Variants in AHCTF1 observed in about 807,000 individuals in gnomAD.
AHCTF1 encodes the protein protein ELYS.
A neutral mutation model predicts 248.4 loss-of-function variants in AHCTF1; 24 were observed. That is an observed-to-expected ratio of 0.10 (90% CI 0.07 to 0.14). The LOEUF (loss-of-function observed/expected upper bound fraction) is 0.14. Ranked by LOEUF, AHCTF1 falls within the 10% of genes least tolerant of loss-of-function variation. AHCTF1 has a pLI of 1.00. For synonymous variants in AHCTF1, 786 were observed against 929.8 expected (o/e 0.85, Z 2.81); for missense variants, 2,206 against 2,636.2 (o/e 0.84, Z 3.57).
intron 29 of AHCTF1, among the ~76,000 whole-genome samples, chr1:246,860,144 C>G (rs1187310014): frequency 1.3e-5 from 2 of 150,010 alleles, no homozygotes; most frequent in East Asian, 2.0e-4. Context: ...ACTATAGTCC[C>G]AGCTACTCTG....
chr1:246,868,952 C>T (rs1287042466), intron 24 of AHCTF1, among the ~76,000 whole-genome samples: 2 of 150,332 alleles, frequency 1.3e-5, no homozygotes, highest in Non-Finnish European at 2.9e-5. Flanking sequence ...TCACGCCATT[C>T]TCCTGCCTCA....
At chr1:246,855,871 A>C (rs1572369516) in intron 30 of AHCTF1, 44 bp from the exon 31 acceptor site, 1 of 1,500,956 alleles carries the variant, frequency 6.7e-7, no homozygotes, top group Non-Finnish European at 9.2e-7. Context: ...AGAAGATCCC[A>C]TCTGCTTTAA....
At position 246,903,652 on chromosome 1, in the gene AHCTF1, A is replaced by ACC. The variant is rs1038477874; in HGVS notation, c.966+295_966+296dup. On this transcript the variant is annotated intron_variant, in intron 7 of 35. Coordinates refer to ENST00000648844, the MANE Select transcript of AHCTF1 (RefSeq NM_001323342.2). Reference sequence around the variant, plus strand: ...AGACCAGCCTGGCCAAGATGGTGAGACCCCCCCCCCTCCGTCTCTGCTAAA... The same window carrying ACC: ...AGACCAGCCTGGCCAAGATGGTGAGACCCCCCCCCCCCTCCGTCTCTGCTAAA... 5.7e-3 allele frequency among the ~76,000 whole-genome samples: 507 copies of ACC among 88,294 alleles called. 21 individuals carry two copies. Among genetic ancestry groups the ACC allele is most frequent in the African/African-American group, 0.025 (485 of 19,704 alleles). The allele number at this position is 88,294 out of a possible 152,430, so 57.9% of individuals were successfully genotyped here.
At chr1:246,906,920 G>C (rs914745207) in intron 5 of AHCTF1, among the ~76,000 whole-genome samples, 8 of 152,134 alleles carry the variant, frequency 5.3e-5, no homozygotes, top group African/African-American at 9.7e-5. Context: ...CACAGATGAT[G>C]ATTAGGAAGG....
rs751633142 is a variant in AHCTF1, at chr1:246,853,129, G to A, written c.4525C>T (p.Pro1509Ser). 5.6e-6 allele frequency: 9 copies of A among 1,609,264 alleles called. No individual in the cohort carries two copies. Among genetic ancestry groups the A allele is most frequent in the Non-Finnish European group, 7.6e-6 (9 of 1,178,534 alleles). The change falls in exon 32 of 36, where the codon CCA becomes TCA. Residue 1509 changes from proline to serine, a missense_variant. By Grantham distance (74) the Pro-to-Ser change is moderately conservative. This residue lies in a region of AHCTF1 where 955 missense variants were observed against 1,055.6 expected (regional missense o/e 0.90). Coordinates refer to ENST00000648844, the MANE Select transcript of AHCTF1 (RefSeq NM_001323342.2). ...ESVDLPEEKL[P>S]ISDSPPDTQE... is the part of the protein sequence containing the mutation. Reference sequence around the variant, plus strand: ...GTATCAGGAGGGCTGTCAGAAATTGGAAGCTTTTCTTCTGGTAAGTCAACA... The same window carrying A: ...GTATCAGGAGGGCTGTCAGAAATTGAAAGCTTTTCTTCTGGTAAGTCAACA...
chr1:246,868,610 G>GTA, intron 24 of AHCTF1, among the ~76,000 whole-genome samples: 1 of 98,848 alleles, frequency 1.0e-5, no homozygotes, highest in South Asian at 2.6e-4. Flanking sequence ...TTGGTAAGTG[G>GTA]TAAAAAAAAA....
chr1:246,855,770 A>G lies in AHCTF1; in HGVS notation c.4314T>C (p.Val1438=). The G allele has an allele frequency of 6.2e-7, 1 of 1,613,672 alleles. No homozygotes were observed. Among genetic ancestry groups the G allele is most frequent in the African/African-American group, 1.3e-5 (1 of 75,024 alleles). ...VPVLDEGLTS[V]ETYTPAIRAN... is the part of the protein sequence containing the mutation. ...CTCTAATTGCAGGGGTGTAGGTTTC[A>G]ACAGATGTTAATCCTTCGTCCAACA... Residue 1438 remains valine, a synonymous_variant, in exon 31 of 36, where the codon GTT becomes GTC. Transcript: ENST00000648844.
Position 246,904,001 on chromosome 1 carries a change from T to A in AHCTF1, c.914A>T (p.Gln305Leu). 1 of 1,614,110 alleles carries A rather than the reference T, an allele frequency of 6.2e-7. No individual in the cohort carries two copies. Among genetic ancestry groups the A allele is most frequent in the South Asian group, 1.1e-5 (1 of 91,086 alleles). ...EGDVLSLHLL[Q>L]LAFGNRKCLA... The stretch of plus-strand genomic sequence containing the variant: ...ACACTTTCTATTACCAAAGGCCAGC[T>A]GCAGCAGATGCAAACTCAAAACATC... The change falls in exon 7 of 36, where the codon CAG becomes CTG. Residue 305 changes from glutamine to leucine, a missense_variant. Gln to Leu is a moderately radical substitution (Grantham distance 113). This residue lies in a region of AHCTF1 where 650 missense variants were observed against 870.8 expected (regional missense o/e 0.75). Transcript: ENST00000648844.
At chr1:246,925,870 C>T (rs577114479) in intron 1 of AHCTF1, among the ~76,000 whole-genome samples, 5 of 152,138 alleles carry the variant, frequency 3.3e-5, no homozygotes, top group African/African-American at 1.2e-4. Context: ...AGGAATTTGA[C>T]ACCAGCCTGG....
chr1:246,852,733 G>A (rs1161446787), intron 32 of AHCTF1, among the ~76,000 whole-genome samples: 1 of 151,914 alleles, frequency 6.6e-6, no homozygotes, highest in Non-Finnish European at 1.5e-5. Flanking sequence ...CTTCCTTTTG[G>A]CTTTCATGAA....
chr1:246,862,621 C>T (rs1445574357), intron 27 of AHCTF1, among the ~76,000 whole-genome samples: 5 of 152,046 alleles, frequency 3.3e-5, no homozygotes, highest in African/African-American at 1.2e-4. Flanking sequence ...AAAATTCTTC[C>T]AGAGCTTTTT....
chr1:246,850,919 G>A lies in AHCTF1; in HGVS notation c.5087C>T (p.Thr1696Ile), dbSNP rs147143321. Residue 1696 changes from threonine (T) to isoleucine (I), a missense_variant, in exon 33 of 36, where the codon ACA (threonine) becomes ATA (isoleucine). Thr to Ile is a moderately conservative substitution (Grantham distance 89). This residue lies in a region of AHCTF1 where 955 missense variants were observed against 1,055.6 expected (regional missense o/e 0.90). Coordinates refer to ENST00000648844, the MANE Select transcript of AHCTF1 (RefSeq NM_001323342.2). The stretch of plus-strand genomic sequence containing the variant: ...TATGTTTTGGCTCACTAAAGGTATT[G>A]TTTCATGAATGGACTGTTCCATTGT... ...SDTMEQSIHE[T>I]IPLVSQNIMC... 3 of 1,613,952 alleles carry A rather than the reference G, an allele frequency of 1.9e-6. No individual in the cohort carries two copies. Among genetic ancestry groups the A allele is most frequent in the South Asian group, 1.1e-5 (1 of 91,066 alleles).
At chr1:246,872,937 C>A (rs555772012) in intron 24 of AHCTF1, among the ~76,000 whole-genome samples, 92 of 152,270 alleles carry the variant, frequency 6.0e-4, no homozygotes, top group African/African-American at 2.2e-3. Context: ...CACCTTAAGA[C>A]TCAAAAATCC....
chr1:246,899,061 C>T (rs892701544), intron 11 of AHCTF1, among the ~76,000 whole-genome samples: 1 of 152,178 alleles, frequency 6.6e-6, no homozygotes, highest in African/African-American at 2.4e-5. Flanking sequence ...TGCACCCCAG[C>T]CTGCGCAACA....
At position 246,839,402 on chromosome 1, in the gene AHCTF1, A is replaced by G. The variant is rs188399805; in HGVS notation, c.*1404T>C. 8.2e-5 allele frequency: 25 copies of G among 306,398 alleles called. No individual in the cohort carries two copies. The Admixed American group carries it at 1.4e-3, about 17-fold the overall frequency. The allele number at this position is 306,398 out of a possible 1,614,324, so 19.0% of individuals were successfully genotyped here. On this transcript the variant is annotated 3_prime_UTR_variant, in exon 36 of 36. Coordinates refer to ENST00000648844, the MANE Select transcript of AHCTF1 (RefSeq NM_001323342.2). ...AGCTCTTTATTCATTTAACAAGTTC[A>G]TTTAAATAAGTTCAATATTCCATAA...
chr1:246,903,804 C>G, intron 7 of AHCTF1, 145 bp downstream of exon 7: 1 of 660,714 alleles, frequency 1.5e-6, no homozygotes, highest in Non-Finnish European at 2.5e-6. Flanking sequence ...CACCACTGCA[C>G]TCCAGCCTGG....
chr1:246,914,189 A>G (rs1665993604), intron 3 of AHCTF1, among the ~76,000 whole-genome samples: 1 of 152,150 alleles, frequency 6.6e-6, no homozygotes, highest in South Asian at 2.1e-4. Flanking sequence ...TTTCCTATTA[A>G]TTCATAAAAA....
At chr1:246,930,728 A>C (rs1427900812) in intron 1 of AHCTF1, among the ~76,000 whole-genome samples, 1 of 152,138 alleles carries the variant, frequency 6.6e-6, no homozygotes, top group Non-Finnish European at 1.5e-5. Flanking sequence ...CAGTTCTTAA[A>C]ATCTACAGGT....
rs189863713 is a variant in AHCTF1, at chr1:246,873,598, T to C, written c.3088+2439A>G. 1.7e-4 allele frequency among the ~76,000 whole-genome samples: 26 copies of C among 151,842 alleles called. No individual in the cohort carries two copies. The East Asian group carries it at 4.9e-3, about 28-fold the overall frequency. On this transcript the variant is annotated intron_variant, in intron 24 of 35. Transcript: ENST00000648844. ...ACACTAGTCAATTTCTCCTGCATCA[T>C]AGCAAAGGGAAAGAATCTGTCCCAA...
Sources: allele counts gnomAD v4.1 joint callset (sites outside exome capture counted in the v4.1 genomes callset), GRCh38; gene constraint gnomAD v4.1.1; regional missense constraint gnomAD v4.1.1; transcripts MANE v1.5; gene names NCBI Gene and HGNC (gene_info 2026-07-23, HGNC 2026-07-21).